The following KCNJ5 variants were observed in gnomAD, a reference collection of about 807,000 sequenced individuals.
The protein encoded by KCNJ5 is G protein-activated inward rectifier potassium channel 4.
Under a neutral mutation model 20.2 loss-of-function variants are expected in KCNJ5, and 12 were observed. The ratio of observed to expected loss-of-function variants is 0.59; its 90% confidence interval spans 0.38 to 0.96. KCNJ5 has a LOEUF of 0.96. Ranked by LOEUF, KCNJ5 falls within the 40% of genes least tolerant of loss-of-function variation. The pLI is 0.00. For synonymous variants in KCNJ5, 210 were observed against 213.9 expected, an observed-to-expected ratio of 0.98 and a Z score of 0.16; for missense variants, 449 against 557.6, an observed-to-expected ratio of 0.81 and a Z score of 1.96.
chr11:128,909,248 C>G (rs756780986), intron 1 of KCNJ5, among the ~76,000 whole-genome samples: 2 of 152,178 alleles, frequency 1.3e-5, no homozygotes, highest in African/African-American at 2.4e-5. Context: ...GGTTGACAGG[C>G]CTTTTTCCAG....
intron 2 of KCNJ5, among the ~76,000 whole-genome samples, chr11:128,916,013 AT>A (rs1944573923): frequency 6.7e-5 from 5 of 74,756 alleles, no homozygotes; most frequent in African/African-American, 2.1e-4. Context: ...TGGATGGATG[AT>A]TGGATGGATG....
intron 1 of KCNJ5, among the ~76,000 whole-genome samples, chr11:128,897,495 TTTG>T (rs1456279857): frequency 3.3e-5 from 5 of 152,296 alleles, no homozygotes; most frequent in East Asian, 1.9e-4. Context: ...TTGATTGGCT[TTTG>T]TTGTTGTTTC....
At chr11:128,903,505 G>C (rs373333885) in intron 1 of KCNJ5, 1 of 1,614,088 alleles carries the variant, frequency 6.2e-7, no homozygotes, top group Non-Finnish European at 8.5e-7. Flanking sequence ...GACAGAGGCA[G>C]ACCTGCCTTA....
At position 128,905,116 on chromosome 11, in the gene KCNJ5, C is replaced by T. The variant is rs1037860381; in HGVS notation, c.-10-6148C>T. On this transcript the variant is annotated intron_variant, in intron 1 of 2. Coordinates refer to ENST00000529694, the MANE Select transcript of KCNJ5 (RefSeq NM_000890.5). The stretch of plus-strand genomic sequence containing the variant: ...CACCGGTGTGGCTTGGGCACAGTCT[C>T]TGGGTGGCTGGGGCCGCTGGCCCGC... Among the ~76,000 whole-genome samples the T allele has an allele frequency of 7.9e-5, 12 of 152,362 alleles. 1 individual carries two copies. The highest frequency in any genetic ancestry group is 2.9e-4 in the African/African-American group (12 of 41,588).
At chr11:128,905,290 G>A (rs1944383203) in intron 1 of KCNJ5, among the ~76,000 whole-genome samples, 1 of 149,354 alleles carries the variant, frequency 6.7e-6, no homozygotes. Context: ...CCCCAGCCCC[G>A]CCTCCTCCGC....
rs369247802 is a variant in KCNJ5, at chr11:128,911,617, G to A, written c.344G>A (p.Arg115Gln). The part of the protein sequence containing the change: ...GFIWWLIAYI[R>Q]GDLDHVGDQE... ...ATTTGGTGGCTCATTGCTTATATCCGGGGTGACCTGGACCATGTTGGCGAC... is the reference window on the plus strand; with the variant it reads ...ATTTGGTGGCTCATTGCTTATATCCAGGGTGACCTGGACCATGTTGGCGAC... Residue 115 changes from arginine (R) to glutamine (Q), a missense_variant, in exon 2 of 3, where the codon CGG (arginine) becomes CAG (glutamine). Physicochemically the swap from Arg to Gln is conservative, Grantham distance 43. Transcript: ENST00000529694. The surrounding 1 kb of genome is among the most constrained non-coding windows in gnomAD (Gnocchi z 6.3). The A allele has an allele frequency of 2.2e-5, 36 of 1,614,016 alleles. No homozygotes were observed. Among genetic ancestry groups the A allele is most frequent in the Admixed American group, 5.0e-5 (3 of 59,992 alleles).
chr11:128,901,010 C>T (rs935863880), intron 1 of KCNJ5: 3 of 152,198 alleles, frequency 2.0e-5, no homozygotes, highest in Non-Finnish European at 4.4e-5. Flanking sequence ...ATGTCATGAA[C>T]ATTAGGATTT....
chr11:128,911,953 C>G lies in KCNJ5; in HGVS notation c.680C>G (p.Ser227Cys). The G allele has an allele frequency of 6.2e-7, 1 of 1,600,090 alleles. No homozygotes were observed. Among genetic ancestry groups the G allele is most frequent in the Non-Finnish European group, 8.5e-7 (1 of 1,171,414 alleles). ...TTCCGGGTGGGCGACCTCCGCAACTCCCACATCGTGGAGGCCTCCATCCGG... is the reference window on the plus strand; with the variant it reads ...TTCCGGGTGGGCGACCTCCGCAACTGCCACATCGTGGAGGCCTCCATCCGG... The part of the protein sequence containing the change: ...LMFRVGDLRN[S>C]HIVEASIRAK... Residue 227 changes from serine to cysteine, a missense_variant, in exon 2 of 3, where the codon TCC becomes TGC. Transcript: ENST00000529694. This position sits in a 1 kb window ranked among gnomAD's most constrained non-coding sequence, Gnocchi z 6.3.
intron 1 of KCNJ5, among the ~76,000 whole-genome samples, chr11:128,894,999 T>A (rs1660283391): frequency 6.6e-6 from 1 of 151,872 alleles, no homozygotes; most frequent in Non-Finnish European, 1.5e-5. Context: ...AGGTCATGGA[T>A]CATCTGAACA....
intron 2 of KCNJ5, among the ~76,000 whole-genome samples, chr11:128,914,940 G>A (rs572161191): frequency 1.3e-5 from 2 of 152,364 alleles, no homozygotes; most frequent in South Asian, 4.1e-4. Context: ...AGGCTGTGGG[G>A]ACAACAAGGG....
rs77197129 is a variant in KCNJ5 at position 128,908,317 on chromosome 11, G to A, written c.-10-2947G>A. On this transcript the variant is annotated intron_variant, in intron 1 of 2. Coordinates refer to ENST00000529694, the MANE Select transcript of KCNJ5 (RefSeq NM_000890.5). ...CTACAATTGGCTCCCAGGGCTGGAG[G>A]AGCAGAGGATATTATCTGGGATTTA... 7.9e-3 allele frequency among the ~76,000 whole-genome samples: 1,210 copies of A among 152,324 alleles called. 15 individuals are homozygous for A. Among genetic ancestry groups the A allele is most frequent in the African/African-American group, 0.027 (1,136 of 41,568 alleles).
At chr11:128,901,820 T>C (rs996377922) in intron 1 of KCNJ5, 6 of 152,512 alleles carry the variant, frequency 3.9e-5, no homozygotes, top group Non-Finnish European at 7.3e-5. Flanking sequence ...CCACCTGAGA[T>C]GCCTCGTCCG....
intron 1 of KCNJ5, among the ~76,000 whole-genome samples, chr11:128,893,881 G>A (rs1022588135): frequency 6.6e-6 from 1 of 152,228 alleles, no homozygotes. Context: ...GCAGAGACAC[G>A]TGTGTGGCCC....
intron 1 of KCNJ5, among the ~76,000 whole-genome samples, chr11:128,896,824 A>G (rs527668434): frequency 6.6e-6 from 1 of 152,284 alleles, no homozygotes; most frequent in Non-Finnish European, 1.5e-5. Flanking sequence ...ACAGGTTTTC[A>G]TGTCTCTGGG....
chr11:128,897,684 C>T (rs961718825), intron 1 of KCNJ5, among the ~76,000 whole-genome samples: 5 of 152,132 alleles, frequency 3.3e-5, no homozygotes, highest in African/African-American at 1.2e-4. Context: ...AGTTTGTCTT[C>T]TTATGGATTG....
chr11:128,895,311 G>T (rs1278538731), intron 1 of KCNJ5, among the ~76,000 whole-genome samples: 1 of 152,106 alleles, frequency 6.6e-6, no homozygotes, highest in Admixed American at 6.5e-5. Flanking sequence ...GTGGGGTGCA[G>T]TGCAAGAACC....
chr11:128,898,678 A>T (rs973381449), intron 1 of KCNJ5, among the ~76,000 whole-genome samples: 2 of 150,562 alleles, frequency 1.3e-5, no homozygotes, highest in Admixed American at 1.3e-4. Context: ...TGATTTTTCT[A>T]TTTCTTTCTT....
intron 1 of KCNJ5, chr11:128,903,623 T>C (rs1331483370): frequency 2.6e-6 from 3 of 1,166,782 alleles, no homozygotes; most frequent in Admixed American, 2.0e-5. Context: ...CTTCAGAGAG[T>C]GACGGGGCAC....
intron 1 of KCNJ5, among the ~76,000 whole-genome samples, chr11:128,908,930 T>A (rs752489491): frequency 5.3e-5 from 8 of 152,190 alleles, no homozygotes; most frequent in Admixed American, 1.3e-4. Context: ...AGTCTCCCAC[T>A]TAAGGCAGAG....
Sources: gnomAD v4.1 joint callset for allele counts (sites outside exome capture counted in the v4.1 genomes callset) on GRCh38, gnomAD v4.1.1 for gene constraint, Gnocchi (gnomAD v3.1) non-coding constraint, MANE v1.5 for transcripts, NCBI Gene and HGNC (gene_info 2026-07-23, HGNC 2026-07-21) for gene names.